KIAA1671: variants seen among roughly 807,000 people sequenced by gnomAD.
KIAA1671 encodes uncharacterized protein KIAA1671.
Under a neutral mutation model 131.2 loss-of-function variants are expected in KIAA1671, and 52 were observed. The observed-to-expected ratio is 0.40, with a 90% CI of 0.32 to 0.50. KIAA1671 has a LOEUF of 0.50. KIAA1671 is among the 20% of genes least tolerant of loss of function. KIAA1671 has a pLI of 0.73. For synonymous variants in KIAA1671, 1,003 were observed against 961.6 expected (o/e 1.04, Z -0.80); for missense variants, 2,360 against 2,364.2 (o/e 1.00, Z 0.04).
intron 1 of KIAA1671, among the ~76,000 whole-genome samples, chr22:24,979,358 A>ATTTTTTTT (rs60107890): frequency 3.2e-5 from 4 of 125,312 alleles, no homozygotes; most frequent in Admixed American, 8.2e-5. Context: ...TTATTTATTT[A>ATTTTTTTT]TTTTTTTTTG....
At chr22:24,980,341 G>A (rs1450951397) in intron 1 of KIAA1671, among the ~76,000 whole-genome samples, 6 of 135,032 alleles carry the variant, frequency 4.4e-5, no homozygotes, top group African/African-American at 1.4e-4. Context: ...GCACAATCTT[G>A]GCTTACTGCA....
chr22:24,961,680 C>T (rs1159559014), intron 1 of KIAA1671, among the ~76,000 whole-genome samples: 2 of 152,244 alleles, frequency 1.3e-5, no homozygotes, highest in Non-Finnish European at 2.9e-5. Context: ...CTTCTGCTCT[C>T]ATGCTATAGG....
At chr22:25,058,499 C>T (rs1260255416) in intron 6 of KIAA1671, 1 of 152,074 alleles carries the variant, frequency 6.6e-6, no homozygotes, top group East Asian at 1.9e-4. Context: ...AGGATTCCCC[C>T]CTATTGTCTG....
Position 25,179,478 on chromosome 22 carries a change from C to T in KIAA1671, c.5074+1956C>T, listed in dbSNP as rs1268859850. 6.8e-6 allele frequency: 11 copies of T among 1,612,980 alleles called. No homozygotes were observed. The East Asian group carries it at 2.0e-4, about 29-fold the overall frequency. The stretch of plus-strand genomic sequence containing the variant: ...GCCTGGCGGCTGAAGTTGTTATTCT[C>T]CTCCAGCGCCTTGTGCAGCACCTCC... On this transcript the variant is annotated intron_variant, in intron 9 of 12. Coordinates refer to ENST00000358431, the MANE Select transcript of KIAA1671 (RefSeq NM_001145206.2).
At chr22:25,044,201 C>A (rs1417044242) in intron 5 of KIAA1671, among the ~76,000 whole-genome samples, 10 of 152,200 alleles carry the variant, frequency 6.6e-5, no homozygotes, top group Non-Finnish European at 1.5e-5. Flanking sequence ...CTTGGCCTCT[C>A]CTGGCCTCAG....
At chr22:25,020,636 A>G (rs1317078676) in intron 1 of KIAA1671, among the ~76,000 whole-genome samples, 1 of 152,140 alleles carries the variant, frequency 6.6e-6, no homozygotes, top group Non-Finnish European at 1.5e-5. Flanking sequence ...GAAGTGAGAT[A>G]TTGCAGCACA....
At chr22:25,109,378 G>C (rs1210806814) in intron 6 of KIAA1671, among the ~76,000 whole-genome samples, 1 of 152,130 alleles carries the variant, frequency 6.6e-6, no homozygotes, top group Non-Finnish European at 1.5e-5. Flanking sequence ...AAAGTGCTGG[G>C]ATTACAGACA....
In KIAA1671 at chr22:25,193,017, A is replaced by G. The variant is rs1389285702; in HGVS notation, c.*616A>G. 2.6e-5 allele frequency: 4 copies of G among 151,476 alleles called. No homozygotes were observed. The allele number at this position is 151,476 out of a possible 1,614,324, so 9.4% of individuals were successfully genotyped here. On this transcript the variant is annotated 3_prime_UTR_variant, in exon 13 of 13. Transcript: ENST00000358431. The stretch of plus-strand genomic sequence containing the variant: ...CCTGATTATGTGTATTTCTCTTTCT[A>G]GTGGGGCTGTGTGCATCGTTGGCCT...
intron 10 of KIAA1671, among the ~76,000 whole-genome samples, chr22:25,184,517 A>T (rs1934404418): frequency 6.6e-6 from 1 of 152,178 alleles, no homozygotes; most frequent in South Asian, 2.1e-4. Flanking sequence ...TTCCATTCCC[A>T]ACATGCCCTC....
In KIAA1671 at chr22:25,029,040, G is replaced by A; in HGVS notation, c.1041G>A (p.Val347=). ...LHDPDLDFLE[V]AKKIRERKEK... Reference sequence around the variant, plus strand: ...ATCCTGATTTGGACTTCCTGGAGGTGGCCAAGAAAATCCGTGAACGGAAGG... The same window carrying A: ...ATCCTGATTTGGACTTCCTGGAGGTAGCCAAGAAAATCCGTGAACGGAAGG... The change falls in exon 3 of 13, where the codon GTG becomes GTA. Residue 347 remains valine (V), a synonymous_variant. Coordinates refer to ENST00000358431, the MANE Select transcript of KIAA1671 (RefSeq NM_001145206.2). 6.6e-7 allele frequency: 1 copy of A among 1,505,750 alleles called. No homozygotes were observed. 93.3% of individuals were successfully genotyped at this position (1,505,750 alleles called of 1,614,324 possible).
chr22:25,159,762 G>A (rs1933372681), intron 6 of KIAA1671, among the ~76,000 whole-genome samples: 2 of 152,150 alleles, frequency 1.3e-5, no homozygotes, highest in South Asian at 2.1e-4. Context: ...GGTCTGCTCG[G>A]TCATAGAGCC....
chr22:25,187,242 A>AT (rs1186457687), intron 11 of KIAA1671, among the ~76,000 whole-genome samples: 1 of 152,194 alleles, frequency 6.6e-6, no homozygotes, highest in Non-Finnish European at 1.5e-5. Flanking sequence ...TGTGTGTTTG[A>AT]TTATAAAAGC....
At chr22:25,189,496 C>G (rs917981720) in intron 11 of KIAA1671, among the ~76,000 whole-genome samples, 2 of 152,136 alleles carry the variant, frequency 1.3e-5, no homozygotes, top group African/African-American at 4.8e-5. Context: ...TCTATTCAGG[C>G]CTTCAACTGA....
At chr22:25,136,264 G>A (rs1358642830) in intron 6 of KIAA1671, among the ~76,000 whole-genome samples, 1 of 152,064 alleles carries the variant, frequency 6.6e-6, no homozygotes, top group African/African-American at 2.4e-5. Context: ...CTCTCATACA[G>A]ACACAAACAC....
Position 25,039,660 on chromosome 22 carries a change from C to T in KIAA1671, c.2530C>T (p.Pro844Ser). The change falls in exon 5 of 13, where the codon CCC (proline) becomes TCC (serine). Residue 844 changes from proline to serine, a missense_variant. By Grantham distance (74) the Pro-to-Ser change is moderately conservative. Coordinates refer to ENST00000358431, the MANE Select transcript of KIAA1671 (RefSeq NM_001145206.2). ...GGCAGTCAGCGAAGAGCACTGTGCT[C>T]CCGGGGCCACCTCCGTCAGGGCTAT... ...TVAVSEEHCAPGATSVRAIKA... is the reference protein window; with the variant it reads ...TVAVSEEHCASGATSVRAIKA... 1 of 1,535,638 alleles carries T rather than the reference C, an allele frequency of 6.5e-7. No homozygotes were observed. Among genetic ancestry groups the T allele is most frequent in the South Asian group, 1.2e-5 (1 of 82,060 alleles).
At chr22:24,960,155 AAATAAAT>A (rs1273140093) in intron 1 of KIAA1671, among the ~76,000 whole-genome samples, 1 of 151,648 alleles carries the variant, frequency 6.6e-6, no homozygotes, top group Admixed American at 6.6e-5. Context: ...ATAAATAAAT[AAATAAAT>A]AAATAAAATA....
At chr22:25,185,160 C>G in intron 11 of KIAA1671, 41 bp downstream of exon 11, 1 of 1,513,678 alleles carries the variant, frequency 6.6e-7, no homozygotes, top group Non-Finnish European at 8.9e-7. Flanking sequence ...TCCTTCCAAA[C>G]TCAGGCTATA....
Position 25,177,384 on chromosome 22 carries a change from C to A in KIAA1671, c.4936C>A (p.Arg1646=). 1.9e-6 allele frequency: 3 copies of A among 1,551,790 alleles called. No individual in the cohort carries two copies. The highest frequency in any genetic ancestry group is 2.6e-6 in the Non-Finnish European group (3 of 1,147,040). Residue 1646 remains arginine (R), a synonymous_variant, in exon 9 of 13, where the codon CGG becomes AGG. Transcript: ENST00000358431. ...CCTCGACTCAAGTGCCCTCAAGACC[C>A]GGGTGCAGCTCAGCAAGAGAAGCCG... is the stretch of plus-strand genomic sequence containing the variant. The part of the protein sequence containing the change: ...SVLDSSALKT[R]VQLSKRSRRR...
chr22:25,188,980 A>G (rs986013918), intron 11 of KIAA1671, among the ~76,000 whole-genome samples: 2 of 152,164 alleles, frequency 1.3e-5, no homozygotes, highest in Non-Finnish European at 2.9e-5. Flanking sequence ...GTATGTATGT[A>G]TAGAGATTGA....
Sources: gnomAD v4.1 joint callset for allele counts (sites outside exome capture counted in the v4.1 genomes callset) on GRCh38, gnomAD v4.1.1 for gene constraint, MANE v1.5 for transcripts, NCBI Gene and HGNC (gene_info 2026-07-23, HGNC 2026-07-21) for gene names.